The following DACH2 variants were observed in gnomAD, a reference collection of about 807,000 sequenced individuals.
DACH2 encodes dachshund family transcription factor 2, also known as dachshund homolog 2.
Under a neutral mutation model 35.8 loss-of-function variants are expected in DACH2, and 17 were observed. The ratio of observed to expected loss-of-function variants is 0.48; its 90% CI spans 0.33 to 0.71. The LOEUF is 0.71. DACH2 is among the 30% of genes least tolerant of loss of function. The pLI is 0.02. For missense variants in DACH2, 469 were observed against 472.7 expected (o/e 0.99, Z 0.07); for synonymous variants, 195 against 177.3 (o/e 1.10, Z -0.79).
intron 1 of DACH2, among the ~76,000 whole-genome samples, chrX:86,244,504 C>T (rs1372249119): frequency 8.9e-6 from 1 of 111,921 alleles, no homozygotes; most frequent in African/African-American, 3.2e-5. Context: ...GTTCCAGCTA[C>T]TCAGGAGGCT....
chrX:86,355,039 G>A (rs1029033920), intron 1 of DACH2, among the ~76,000 whole-genome samples: 1 of 111,607 alleles, frequency 9.0e-6, no homozygotes, highest in African/African-American at 3.3e-5. Context: ...GTACCTCATA[G>A]GTAGTTTTCT....
At chrX:86,394,079 A>G (rs1278773607) in intron 2 of DACH2, among the ~76,000 whole-genome samples, 2 of 109,006 alleles carry the variant, frequency 1.8e-5, no homozygotes, top group Non-Finnish European at 3.8e-5. Context: ...CAGGGTATCA[A>G]TGATCACCTT....
rs774832366 is a variant in DACH2, at chrX:86,660,007, G to C, written c.772+8840G>C. On this transcript the variant is annotated intron_variant, in intron 4 of 11. Transcript: ENST00000373125. ...TAGAAATTTGAGGTTAGTGTCATGGGATCAAAATGTGCCTCTGTCCATGTT... is the reference window on the plus strand; with the variant it reads ...TAGAAATTTGAGGTTAGTGTCATGGCATCAAAATGTGCCTCTGTCCATGTT... Among the ~76,000 whole-genome samples, 40 of 111,007 alleles carry C rather than the reference G, an allele frequency of 3.6e-4. No individual in the cohort carries two copies. The Middle Eastern group carries it at 0.014, about 38-fold the overall frequency.
chrX:86,519,315 T>A (rs1289830411), intron 3 of DACH2, among the ~76,000 whole-genome samples: 1 of 112,169 alleles, frequency 8.9e-6, no homozygotes, highest in Admixed American at 9.5e-5. Context: ...TTGTTCTGGA[T>A]TTTTTCATCG....
chrX:86,238,807 T>A (rs758432028), intron 1 of DACH2, among the ~76,000 whole-genome samples: 1 of 111,763 alleles, frequency 8.9e-6, no homozygotes, highest in East Asian at 2.8e-4. Flanking sequence ...GCTTTCTTTT[T>A]GTGTTCAGTT....
chrX:86,582,442 AAAT>A (rs1242844084), intron 3 of DACH2, among the ~76,000 whole-genome samples: 1 of 111,297 alleles, frequency 9.0e-6, no homozygotes, highest in Non-Finnish European at 1.9e-5. Context: ...TTGAAAGAAT[AAAT>A]AAGATTAATA....
At chrX:86,695,736 C>T (rs1405445233) in intron 5 of DACH2, among the ~76,000 whole-genome samples, 1 of 109,953 alleles carries the variant, frequency 9.1e-6, no homozygotes, top group Non-Finnish European at 1.9e-5. Context: ...TGGTCTTGAA[C>T]TCCTAACCTC....
chrX:86,166,095 T>G (rs1181447155), intron 1 of DACH2, among the ~76,000 whole-genome samples: 4 of 111,550 alleles, frequency 3.6e-5, no homozygotes, highest in African/African-American at 9.8e-5. Flanking sequence ...AGATCGTCTT[T>G]TCCCCAGGGT....
chrX:86,276,162 G>T (rs901169273), intron 1 of DACH2, among the ~76,000 whole-genome samples: 1 of 111,671 alleles, frequency 9.0e-6, no homozygotes, highest in South Asian at 3.7e-4. Context: ...GTGTACAAGG[G>T]TTCCTTTTCC....
At chrX:86,421,478 G>A (rs756734939) in intron 2 of DACH2, among the ~76,000 whole-genome samples, 2 of 111,381 alleles carry the variant, frequency 1.8e-5, no homozygotes, top group East Asian at 5.7e-4. Context: ...ATTTGACTAA[G>A]TGTAGAATGG....
chrX:86,643,665 A>G, intron 3 of DACH2, among the ~76,000 whole-genome samples: 1 of 111,312 alleles, frequency 9.0e-6, no homozygotes, highest in Non-Finnish European at 1.9e-5. Flanking sequence ...CAAAAAAGAA[A>G]ACTTCAGGTG....
chrX:86,171,206 G>A (rs1240441981), intron 1 of DACH2, among the ~76,000 whole-genome samples: 1 of 102,979 alleles, frequency 9.7e-6, no homozygotes. Flanking sequence ...CTAAATGCAA[G>A]ACAAAGTCCT....
intron 1 of DACH2, among the ~76,000 whole-genome samples, chrX:86,179,690 G>A (rs570828512): frequency 9.0e-6 from 1 of 111,479 alleles, no homozygotes; most frequent in South Asian, 3.7e-4. Flanking sequence ...GAGCACTCAA[G>A]GAAAGTAGGA....
intron 1 of DACH2, among the ~76,000 whole-genome samples, chrX:86,234,355 A>G (rs1193105276): frequency 9.0e-6 from 1 of 111,304 alleles, no homozygotes; most frequent in Non-Finnish European, 1.9e-5. Flanking sequence ...TATGATATGA[A>G]CTCTGCATAC....
At chrX:86,827,996 CTG>C (rs1389518283) in intron 11 of DACH2, 2 of 380,084 alleles carry the variant, frequency 5.3e-6, no homozygotes, top group East Asian at 8.1e-5. Flanking sequence ...ATAATAATGA[CTG>C]AACACATTTT....
rs755869488 is a variant in DACH2, at chrX:86,254,807, TAG to T, written c.488+105729_488+105730del. On this transcript the variant is annotated intron_variant, in intron 1 of 11. Coordinates refer to ENST00000373125, the MANE Select transcript of DACH2 (RefSeq NM_053281.3). ...ATATATATATATATATATATATATA[TAG>T]AGAGAGAGAGAGAGAGAGAGAGAGA... Among the ~76,000 whole-genome samples the T allele has an allele frequency of 7.4e-3, 365 of 49,609 alleles. 6 individuals carry two copies. The highest frequency in any genetic ancestry group is 0.025 in the African/African-American group (212 of 8,536). 43.1% of individuals were successfully genotyped at this position (49,609 alleles called of 115,157 possible).
chrX:86,639,230 C>CT lies in DACH2; in HGVS notation c.641-11806_641-11805insT, dbSNP rs779388993. Among the ~76,000 whole-genome samples the CT allele has an allele frequency of 3.0e-3, 340 of 111,537 alleles. 6 individuals carry two copies. The highest frequency in any genetic ancestry group is 0.011 in the African/African-American group (329 of 30,675). ...CACAGAGAATGAAGAAAAGCAAGAC[C>CT]GGAAAACAGCCGACCTGGGAGCAAC... is the stretch of plus-strand genomic sequence containing the variant. On this transcript the variant is annotated intron_variant, in intron 3 of 11. Transcript: ENST00000373125.
At chrX:86,626,461 G>C (rs766945987) in intron 3 of DACH2, among the ~76,000 whole-genome samples, 15 of 112,713 alleles carry the variant, frequency 1.3e-4, no homozygotes, top group African/African-American at 4.5e-4. Flanking sequence ...GAGACTGGAG[G>C]ACAGTGGCTC....
chrX:86,246,537 C>G (rs1347152322), intron 1 of DACH2, among the ~76,000 whole-genome samples: 3 of 111,805 alleles, frequency 2.7e-5, no homozygotes, highest in Non-Finnish European at 3.8e-5. Flanking sequence ...AAAAGGAATT[C>G]CAAACAAGAA....
Sources: allele counts gnomAD v4.1 joint callset (sites outside exome capture counted in the v4.1 genomes callset), GRCh38; gene constraint gnomAD v4.1.1; transcripts MANE v1.5; gene names NCBI Gene and HGNC (gene_info 2026-07-23, HGNC 2026-07-21).